MIPOL1: variants seen among roughly 807,000 people sequenced by gnomAD.
MIPOL1 encodes the protein mirror-image polydactyly 1, also known as mirror-image polydactyly gene 1 protein.
Under a neutral mutation model 60.9 loss-of-function variants are expected in MIPOL1, and 57 were observed. The observed-to-expected ratio is 0.94, with a 90% CI of 0.76 to 1.17. MIPOL1 has a LOEUF of 1.17. Among genes scored for constraint, MIPOL1 ranks in the 50% most tolerant of loss-of-function variants. The pLI, the probability that MIPOL1 is intolerant of heterozygous loss-of-function variation, is 0.00. For synonymous variants in MIPOL1, 179 were observed against 168.8 expected (o/e 1.06, Z -0.47); for missense variants, 551 against 511.6 (o/e 1.08, Z -0.74).
At chr14:37,275,506 G>A (rs960679794) in intron 6 of MIPOL1, among the ~76,000 whole-genome samples, 8 of 151,168 alleles carry the variant, frequency 5.3e-5, no homozygotes, top group African/African-American at 1.9e-4. Flanking sequence ...TCTTATATCA[G>A]TGATGATGTG....
intron 1 of MIPOL1, among the ~76,000 whole-genome samples, chr14:37,203,630 C>T (rs914347230): frequency 1.3e-5 from 2 of 152,104 alleles, no homozygotes; most frequent in African/African-American, 4.8e-5. Flanking sequence ...TCTATGACTT[C>T]CCTTTTTGCT....
At position 37,279,718 on chromosome 14, in the gene MIPOL1, G is replaced by T. The variant is rs1443453703; in HGVS notation, c.494-5600G>T. On this transcript the variant is annotated intron_variant, in intron 6 of 12. Coordinates refer to ENST00000684589, the MANE Select transcript of MIPOL1 (RefSeq NM_001388067.1). Reference sequence around the variant, plus strand: ...AGTGCAATGTGATGTTTCAGTACATGTACATACATTGTGAAATGATCAAAT... The same window carrying T: ...AGTGCAATGTGATGTTTCAGTACATTTACATACATTGTGAAATGATCAAAT... 2.6e-5 allele frequency among the ~76,000 whole-genome samples: 4 copies of T among 151,984 alleles called. No individual in the cohort carries two copies. The East Asian group carries it at 7.7e-4, about 29-fold the overall frequency.
intron 12 of MIPOL1, among the ~76,000 whole-genome samples, chr14:37,531,115 G>C (rs1428530743): frequency 6.6e-6 from 1 of 152,112 alleles, no homozygotes; most frequent in Non-Finnish European, 1.5e-5. Context: ...ACCGCGCCCA[G>C]CCAGAAAGAA....
chr14:37,343,557 G>C (rs1324373819), intron 9 of MIPOL1, among the ~76,000 whole-genome samples: 1 of 152,152 alleles, frequency 6.6e-6, no homozygotes, highest in Non-Finnish European at 1.5e-5. Context: ...GTGGGAAGAT[G>C]TTTGATTATA....
intron 11 of MIPOL1, among the ~76,000 whole-genome samples, chr14:37,498,160 A>G (rs982876697): frequency 2.6e-5 from 4 of 152,212 alleles, no homozygotes; most frequent in Non-Finnish European, 5.9e-5. Flanking sequence ...TTACATTTTG[A>G]TAAAGGTTGG....
intron 11 of MIPOL1, among the ~76,000 whole-genome samples, chr14:37,450,290 TCTC>T (rs1413844655): frequency 1.3e-5 from 2 of 152,196 alleles, no homozygotes; most frequent in African/African-American, 4.8e-5. Context: ...GGATTTGTCT[TCTC>T]TTCTGCATTG....
intron 12 of MIPOL1, among the ~76,000 whole-genome samples, chr14:37,545,405 C>T (rs2153643833): frequency 6.6e-6 from 1 of 152,270 alleles, no homozygotes; most frequent in Non-Finnish European, 1.5e-5. Context: ...TTTTTAACCA[C>T]TAGGGAAGGT....
At chr14:37,385,034 C>G (rs540041374) in intron 10 of MIPOL1, among the ~76,000 whole-genome samples, 1 of 152,076 alleles carries the variant, frequency 6.6e-6, no homozygotes, top group Non-Finnish European at 1.5e-5. Flanking sequence ...TAAAGCTCTG[C>G]ATTTTTCTGA....
In MIPOL1 at chr14:37,245,171, G is replaced by A. The variant is rs370142202; in HGVS notation, c.-198-1932G>A. Among the ~76,000 whole-genome samples the A allele has an allele frequency of 1.0e-3, 157 of 152,180 alleles. 3 individuals are homozygous for A. The South Asian group carries it at 0.032, about 31-fold the overall frequency. ...CTATGGGGCCTAAAAATTTTACTTGGTGAATTTATTAAAAGTAGCTTAAAA... is the reference window on the plus strand; with the variant it reads ...CTATGGGGCCTAAAAATTTTACTTGATGAATTTATTAAAAGTAGCTTAAAA... On this transcript the variant is annotated intron_variant, in intron 1 of 12. Transcript: ENST00000684589.
chr14:37,347,065 A>G (rs915937628), intron 9 of MIPOL1, among the ~76,000 whole-genome samples: 1 of 152,122 alleles, frequency 6.6e-6, no homozygotes, highest in Non-Finnish European at 1.5e-5. Context: ...TACAAAACCA[A>G]TCTGGCAATT....
intron 11 of MIPOL1, among the ~76,000 whole-genome samples, chr14:37,426,687 A>G (rs907224100): frequency 2.7e-5 from 4 of 148,680 alleles, no homozygotes; most frequent in South Asian, 2.1e-4. Context: ...ATAATTCAAG[A>G]GCTGAAGAGA....
At chr14:37,521,959 C>G (rs1162114765) in intron 12 of MIPOL1, among the ~76,000 whole-genome samples, 1 of 148,376 alleles carries the variant, frequency 6.7e-6, no homozygotes, top group Non-Finnish European at 1.5e-5. Flanking sequence ...AGAACATTAC[C>G]ACCTTTGGCT....
chr14:37,258,216 A>G (rs949837599), intron 3 of MIPOL1, among the ~76,000 whole-genome samples: 4 of 152,174 alleles, frequency 2.6e-5, no homozygotes, highest in African/African-American at 7.2e-5. Flanking sequence ...AGTGGCACAT[A>G]TAAAGAAAGT....
At chr14:37,212,963 A>G (rs1350547524) in intron 1 of MIPOL1, among the ~76,000 whole-genome samples, 2 of 152,190 alleles carry the variant, frequency 1.3e-5, no homozygotes, top group African/African-American at 4.8e-5. Flanking sequence ...GATCTTGTCC[A>G]AGATTATCAA....
chr14:37,327,768 T>A (rs2089304544), intron 9 of MIPOL1, among the ~76,000 whole-genome samples: 1 of 152,188 alleles, frequency 6.6e-6, no homozygotes, highest in Admixed American at 6.5e-5. Flanking sequence ...TAATCCTTTT[T>A]AAAAGAAACT....
intron 11 of MIPOL1, among the ~76,000 whole-genome samples, chr14:37,451,733 G>A (rs1429738981): frequency 6.6e-6 from 1 of 150,912 alleles, no homozygotes; most frequent in Non-Finnish European, 1.5e-5. Context: ...GAAAGTAAAT[G>A]TTCTGCTGAA....
intron 11 of MIPOL1, among the ~76,000 whole-genome samples, chr14:37,495,117 CTT>C (rs71971937): frequency 0.11 from 14,799 of 140,108 alleles, 2,203 homozygotes; most frequent in African/African-American, 0.34. Context: ...GGTAATTTTT[CTT>C]TTTTTTTTTT....
chr14:37,513,954 GT>G (rs1354411731), intron 12 of MIPOL1, among the ~76,000 whole-genome samples: 3 of 151,992 alleles, frequency 2.0e-5, no homozygotes, highest in African/African-American at 7.2e-5. Flanking sequence ...TTGGCTTTTG[GT>G]TTTTATTAAT....
intron 11 of MIPOL1, among the ~76,000 whole-genome samples, chr14:37,444,668 G>GTA (rs1222055768): frequency 6.6e-6 from 1 of 152,108 alleles, no homozygotes; most frequent in Non-Finnish European, 1.5e-5. Context: ...AAGAGTAAAT[G>GTA]TATATATAGA....
Sources: allele counts gnomAD v4.1 joint callset (sites outside exome capture counted in the v4.1 genomes callset), GRCh38; gene constraint gnomAD v4.1.1; transcripts MANE v1.5; gene names NCBI Gene and HGNC (gene_info 2026-07-23, HGNC 2026-07-21).